Variants in ACTN4 observed in about 807,000 individuals in gnomAD.
The protein encoded by ACTN4 is alpha-actinin-4.
ACTN4 carries 18 observed loss-of-function variants against 114.2 expected under a neutral mutation model. The observed-to-expected ratio is 0.16, with a 90% CI of 0.11 to 0.23. The LOEUF (loss-of-function observed/expected upper bound fraction) is 0.23. Ranked by LOEUF, ACTN4 falls within the 10% of genes least tolerant of loss-of-function variation. The pLI is 1.00. For missense variants in ACTN4, 722 were observed against 1,262.9 expected, an observed-to-expected ratio of 0.57 and a Z score of 6.49; for synonymous variants, 515 against 506.3, an observed-to-expected ratio of 1.02 and a Z score of -0.23.
At chr19:38,688,055 C>A (rs977254666) in intron 1 of ACTN4, among the ~76,000 whole-genome samples, 1 of 138,362 alleles carries the variant, frequency 7.2e-6, no homozygotes, top group Admixed American at 7.3e-5. Context: ...ATAACCACTA[C>A]AAATGGTCAA....
chr19:38,714,046 C>T (rs778742834), intron 8 of ACTN4, among the ~76,000 whole-genome samples: 4 of 152,180 alleles, frequency 2.6e-5, no homozygotes, highest in African/African-American at 4.8e-5. Flanking sequence ...TAGGCTCCTC[C>T]GGGACCCGGG....
chr19:38,728,949 T>G, intron 19 of ACTN4, 47 bp from the exon 20 acceptor site: 1 of 1,607,874 alleles, frequency 6.2e-7, no homozygotes. Flanking sequence ...TGGCTGCCCC[T>G]GCCCCACTAA....
chr19:38,652,030 T>G, intron 1 of ACTN4, among the ~76,000 whole-genome samples: 1 of 152,042 alleles, frequency 6.6e-6, no homozygotes, highest in African/African-American at 2.4e-5. Context: ...CACTGTGCCC[T>G]GCCTTGTTTT....
chr19:38,679,217 C>A (rs1967470910), intron 1 of ACTN4, among the ~76,000 whole-genome samples: 1 of 152,170 alleles, frequency 6.6e-6, no homozygotes, highest in Non-Finnish European at 1.5e-5. Context: ...TTCCCGAATA[C>A]TTCTCAGCCC....
chr19:38,711,984 G>C (rs1008859095), intron 8 of ACTN4, among the ~76,000 whole-genome samples: 3 of 152,204 alleles, frequency 2.0e-5, no homozygotes, highest in Non-Finnish European at 4.4e-5. Context: ...CCCCCCGCTT[G>C]CCTTGTGGTC....
chr19:38,715,454 G>A (rs972669954), intron 9 of ACTN4, among the ~76,000 whole-genome samples: 3 of 152,066 alleles, frequency 2.0e-5, no homozygotes, highest in Non-Finnish European at 4.4e-5. Context: ...CCAAGATTGC[G>A]CCACTGTACT....
intron 1 of ACTN4, among the ~76,000 whole-genome samples, chr19:38,669,278 G>A (rs1022319713): frequency 6.6e-5 from 10 of 152,242 alleles, no homozygotes; most frequent in East Asian, 3.9e-4. Context: ...GAGTCACCGC[G>A]CCCAGCCAAA....
intron 12 of ACTN4, chr19:38,721,909 T>C (rs952601075): frequency 4.4e-6 from 3 of 680,086 alleles, no homozygotes; most frequent in African/African-American, 3.5e-5. Flanking sequence ...GGATTTGGAT[T>C]CTCTAGCAGG....
rs1968601738 is a variant in ACTN4 at position 38,710,290 on chromosome 19, C to T, written c.767C>T (p.Ala256Val). The T allele has an allele frequency of 6.2e-7, 1 of 1,614,018 alleles. No individual in the cohort carries two copies. The highest frequency in any genetic ancestry group is 1.3e-5 in the African/African-American group (1 of 74,946). The change falls in exon 8 of 21, where the codon GCC (alanine) becomes GTC (valine). Residue 256 changes from alanine (A) to valine (V), a missense_variant. By Grantham distance (64) the Ala-to-Val change is moderately conservative. Around this residue, in one of 3 missense-constraint regions of ACTN4, gnomAD observed 127 missense variants for 311.3 expected, o/e 0.41. Coordinates refer to ENST00000252699, the MANE Select transcript of ACTN4 (RefSeq NM_004924.6). Reference sequence around the variant, plus strand: ...AACACGGCCCGGCCCGACGAGAAGGCCATAATGACCTATGTGTCCAGCTTC... The same window carrying T: ...AACACGGCCCGGCCCGACGAGAAGGTCATAATGACCTATGTGTCCAGCTTC... ...IVNTARPDEKAIMTYVSSFYH... is the reference protein window; with the variant it reads ...IVNTARPDEKVIMTYVSSFYH...
chr19:38,713,282 G>A (rs765739490), intron 8 of ACTN4, among the ~76,000 whole-genome samples: 2 of 152,218 alleles, frequency 1.3e-5, no homozygotes, highest in Admixed American at 6.5e-5. Flanking sequence ...CCCCAAGCTG[G>A]ATGCGGGAAC....
intron 1 of ACTN4, among the ~76,000 whole-genome samples, chr19:38,662,440 C>T (rs1976916884): frequency 6.6e-6 from 1 of 152,154 alleles, no homozygotes; most frequent in Non-Finnish European, 1.5e-5. Context: ...ATTATGGTGG[C>T]CTGTGATGGT....
chr19:38,705,082 G>A (rs550589183), intron 4 of ACTN4, 62 bp downstream of exon 4: 2 of 1,446,082 alleles, frequency 1.4e-6, no homozygotes, highest in South Asian at 1.1e-5. Flanking sequence ...GAGGAGAGCT[G>A]AAGTGTGATC....
At chr19:38,670,412 G>A (rs1421296031) in intron 1 of ACTN4, among the ~76,000 whole-genome samples, 1 of 152,230 alleles carries the variant, frequency 6.6e-6, no homozygotes, top group African/African-American at 2.4e-5. Context: ...CTTGTGAGGA[G>A]AATGGATGTG....
chr19:38,661,093 G>T (rs1976872603), intron 1 of ACTN4, among the ~76,000 whole-genome samples: 1 of 152,224 alleles, frequency 6.6e-6, no homozygotes, highest in East Asian at 1.9e-4. Context: ...CCGTGGAAGA[G>T]ATGGGCACAG....
intron 5 of ACTN4, 100 bp from the exon 6 acceptor site, chr19:38,708,017 A>G (rs1968517240): frequency 1.6e-6 from 2 of 1,221,064 alleles, no homozygotes; most frequent in Non-Finnish European, 2.4e-6. Context: ...GCCAGACTGC[A>G]GTGAATGGGA....
intron 1 of ACTN4, among the ~76,000 whole-genome samples, chr19:38,655,495 T>G (rs150512595): frequency 1.3e-3 from 192 of 152,248 alleles, no homozygotes; most frequent in Admixed American, 1.6e-3. Context: ...ATTTTCCATG[T>G]GTGTATGTCA....
Position 38,721,700 on chromosome 19 carries a change from C to G in ACTN4, c.1442+12C>G, listed in dbSNP as rs934958416. 3.7e-6 allele frequency: 6 copies of G among 1,611,260 alleles called. No individual in the cohort carries two copies. Among genetic ancestry groups the G allele is most frequent in the Non-Finnish European group, 5.1e-6 (6 of 1,179,982 alleles). ...GCCCAGGAGCTCAAGTACGTGCGGG[C>G]TCAGGACACTATCATCACCTGGCTC... On this transcript the variant is annotated intron_variant, in intron 12 of 20. Coordinates refer to ENST00000252699, the MANE Select transcript of ACTN4 (RefSeq NM_004924.6).
intron 3 of ACTN4, among the ~76,000 whole-genome samples, chr19:38,702,888 T>C (rs1289653472): frequency 6.6e-6 from 1 of 152,168 alleles, no homozygotes; most frequent in Non-Finnish European, 1.5e-5. Flanking sequence ...AGTATTCTGC[T>C]CAGAGGTCAG....
chr19:38,677,612 G>GC (rs1555827420), intron 1 of ACTN4, among the ~76,000 whole-genome samples: 1 of 21,404 alleles, frequency 4.7e-5, no homozygotes, highest in Non-Finnish European at 1.6e-4. Flanking sequence ...CCATCTAAAA[G>GC]TGTGCTCTGG....
Sources: gnomAD v4.1 joint callset for allele counts (sites outside exome capture counted in the v4.1 genomes callset) on GRCh38, gnomAD v4.1.1 for gene constraint, gnomAD v4.1.1 regional missense constraint, MANE v1.5 for transcripts, NCBI Gene and HGNC (gene_info 2026-07-23, HGNC 2026-07-21) for gene names.